The following CDH12 variants were observed in gnomAD, a reference collection of about 807,000 sequenced individuals.
CDH12 encodes the protein cadherin-12.
In CDH12, 41 loss-of-function variants were observed where a neutral mutation model predicts 74.1. The observed-to-expected ratio is 0.55, with a 90% confidence interval of 0.43 to 0.72. The LOEUF (loss-of-function observed/expected upper bound fraction) is 0.72. Ranked by LOEUF, CDH12 falls within the 30% of genes least tolerant of loss-of-function variation. The pLI is 0.00. For missense variants in CDH12, 945 were observed against 977.2 expected (o/e 0.97, Z 0.44); for synonymous variants, 399 against 355.0 (o/e 1.12, Z -1.39).
intron 6 of CDH12, among the ~76,000 whole-genome samples, chr5:21,872,254 C>T (rs752694923): frequency 9.2e-5 from 14 of 152,160 alleles, no homozygotes; most frequent in Non-Finnish European, 1.3e-4. Context: ...AGCACTCTAA[C>T]GTTATAAAAC....
chr5:22,293,059 T>A (rs1029996591), intron 3 of CDH12, among the ~76,000 whole-genome samples: 1 of 152,180 alleles, frequency 6.6e-6, no homozygotes, highest in Non-Finnish European at 1.5e-5. Flanking sequence ...CCATTCCCAA[T>A]CTGTAACACA....
At chr5:22,334,093 C>T (rs768483846) in intron 3 of CDH12, among the ~76,000 whole-genome samples, 3 of 152,028 alleles carry the variant, frequency 2.0e-5, no homozygotes, top group Non-Finnish European at 4.4e-5. Flanking sequence ...ACAGTCACCA[C>T]TGTTATTTAC....
chr5:22,487,958 A>G (rs984847877), intron 2 of CDH12, among the ~76,000 whole-genome samples: 7 of 152,256 alleles, frequency 4.6e-5, no homozygotes, highest in African/African-American at 7.2e-5. Context: ...GTCTGATAAT[A>G]TAAATGTCAA....
chr5:22,641,992 A>G (rs1311506978), intron 1 of CDH12, among the ~76,000 whole-genome samples: 1 of 152,184 alleles, frequency 6.6e-6, no homozygotes. Context: ...AGCTCAATGC[A>G]CAGAAACTGA....
chr5:22,473,994 T>C (rs181980039), intron 2 of CDH12, among the ~76,000 whole-genome samples: 57 of 152,234 alleles, frequency 3.7e-4, no homozygotes, highest in East Asian at 1.7e-3. Flanking sequence ...CATTAAATGA[T>C]GAAACAATAG....
chr5:22,454,835 G>T (rs1235685616), intron 2 of CDH12, among the ~76,000 whole-genome samples: 1 of 152,104 alleles, frequency 6.6e-6, no homozygotes, highest in Non-Finnish European at 1.5e-5. Context: ...GGGACCTAAT[G>T]TAACCTTAAT....
At chr5:22,671,837 T>C (rs1740913821) in intron 1 of CDH12, among the ~76,000 whole-genome samples, 1 of 150,642 alleles carries the variant, frequency 6.6e-6, no homozygotes, top group South Asian at 2.1e-4. Context: ...TTTATTACTT[T>C]TCTCATTTTT....
intron 11 of CDH12, among the ~76,000 whole-genome samples, chr5:21,781,291 G>T (rs1745893770): frequency 6.6e-6 from 1 of 152,118 alleles, no homozygotes; most frequent in Admixed American, 6.6e-5. Context: ...AAGTTATAAG[G>T]TCTACCACTG....
chr5:22,706,105 C>T (rs1442989309), intron 1 of CDH12, among the ~76,000 whole-genome samples: 1 of 152,018 alleles, frequency 6.6e-6, no homozygotes, highest in Non-Finnish European at 1.5e-5. Flanking sequence ...GAAGAAATCA[C>T]TTTACAGATA....
chr5:22,583,019 C>T (rs572725842), intron 1 of CDH12, among the ~76,000 whole-genome samples: 13 of 152,158 alleles, frequency 8.5e-5, no homozygotes, highest in East Asian at 7.7e-4. Context: ...GAGAGAAAAG[C>T]GCACTTTGAA....
intron 4 of CDH12, among the ~76,000 whole-genome samples, chr5:22,195,447 T>C (rs1430674633): frequency 6.6e-6 from 1 of 152,234 alleles, no homozygotes; most frequent in Non-Finnish European, 1.5e-5. Flanking sequence ...TGTTGAATTG[T>C]AAATGCCATT....
chr5:22,683,708 C>A (rs1272127517), intron 1 of CDH12, among the ~76,000 whole-genome samples: 2 of 152,080 alleles, frequency 1.3e-5, no homozygotes, highest in African/African-American at 2.4e-5. Context: ...AGAAATTGGA[C>A]AAATAACTTG....
chr5:22,000,473 T>C (rs1580092233), intron 5 of CDH12, among the ~76,000 whole-genome samples: 1 of 152,164 alleles, frequency 6.6e-6, no homozygotes, highest in South Asian at 2.1e-4. Context: ...GACTCAACTT[T>C]GGTGAACACT....
At chr5:21,777,369 A>G (rs1360942409) in intron 11 of CDH12, among the ~76,000 whole-genome samples, 1 of 152,158 alleles carries the variant, frequency 6.6e-6, no homozygotes, top group African/African-American at 2.4e-5. Flanking sequence ...TTGAATTTTG[A>G]TATGTAAGCC....
At chr5:22,593,763 C>T (rs571113898) in intron 1 of CDH12, among the ~76,000 whole-genome samples, 17 of 152,240 alleles carry the variant, frequency 1.1e-4, no homozygotes, top group African/African-American at 4.1e-4. Context: ...TCCAAGTGTA[C>T]AGATAATATA....
chr5:22,593,236 C>T (rs1211963765), intron 1 of CDH12, among the ~76,000 whole-genome samples: 1 of 150,894 alleles, frequency 6.6e-6, no homozygotes, highest in Non-Finnish European at 1.5e-5. Context: ...CATTCTGTCT[C>T]TCTCTCTCTC....
At chr5:22,794,409 T>C (rs1748083727) in intron 1 of CDH12, among the ~76,000 whole-genome samples, 1 of 152,192 alleles carries the variant, frequency 6.6e-6, no homozygotes, top group Admixed American at 6.5e-5. Context: ...CACTGGTTAA[T>C]GTGCTTTGTG....
At chr5:22,299,242 A>G (rs916551296) in intron 3 of CDH12, among the ~76,000 whole-genome samples, 1 of 152,022 alleles carries the variant, frequency 6.6e-6, no homozygotes, top group Non-Finnish European at 1.5e-5. Context: ...TTGGTAAGGG[A>G]GAGATGGGGT....
chr5:22,316,777 G>C (rs1320389416), intron 3 of CDH12, among the ~76,000 whole-genome samples: 1 of 151,972 alleles, frequency 6.6e-6, no homozygotes, highest in African/African-American at 2.4e-5. Context: ...CTATAATGAG[G>C]TTATTTAATA....
Sources: gnomAD v4.1 joint callset for allele counts (sites outside exome capture counted in the v4.1 genomes callset) on GRCh38, gnomAD v4.1.1 for gene constraint, MANE v1.5 for transcripts, NCBI Gene and HGNC (gene_info 2026-07-23, HGNC 2026-07-21) for gene names.